The following ATP2B2 variants were observed in gnomAD, a reference collection of about 807,000 sequenced individuals.
ATP2B2 encodes the protein ATPase plasma membrane Ca2+ transporting 2.
In ATP2B2, 15 loss-of-function variants were observed where a neutral mutation model predicts 120.0. The ratio of observed to expected loss-of-function variants is 0.12; its 90% CI spans 0.08 to 0.19. The LOEUF (loss-of-function observed/expected upper bound fraction) is 0.19. Among genes scored for constraint, ATP2B2 ranks in the 10% least tolerant of loss-of-function variants. The probability of loss-of-function intolerance (pLI) is 1.00; values close to 1 mark genes in which losing one functional copy is unlikely to be tolerated. For synonymous variants in ATP2B2, 694 were observed against 700.3 expected, an observed-to-expected ratio of 0.99 and a Z score of 0.14; for missense variants, 1,045 against 1,719.8, an observed-to-expected ratio of 0.61 and a Z score of 6.94.
intron 2 of ATP2B2, among the ~76,000 whole-genome samples, chr3:10,560,045 T>G (rs913953574): frequency 2.6e-5 from 4 of 152,192 alleles, no homozygotes; most frequent in Non-Finnish European, 5.9e-5. Flanking sequence ...CACTCTGACT[T>G]CTCAAACCTT....
chr3:10,556,758 C>A (rs1400963580), intron 2 of ATP2B2, among the ~76,000 whole-genome samples: 1 of 152,230 alleles, frequency 6.6e-6, no homozygotes, highest in Non-Finnish European at 1.5e-5. Flanking sequence ...TTAATTACTC[C>A]TATTTATGTA....
chr3:10,668,888 C>T (rs2071019629), intron 1 of ATP2B2, among the ~76,000 whole-genome samples: 2 of 152,194 alleles, frequency 1.3e-5, no homozygotes, highest in Admixed American at 1.3e-4. Context: ...AGTAGGCGCT[C>T]AGTGGATCAT....
intron 14 of ATP2B2, 140 bp downstream of exon 14, chr3:10,358,551 A>G: frequency 1.1e-6 from 1 of 872,940 alleles, no homozygotes; most frequent in Non-Finnish European, 1.8e-6. Context: ...TCCTCTTATG[A>G]GGATCAAGGA....
chr3:10,449,506 T>G lies in ATP2B2; in HGVS notation c.38A>C (p.Asn13Thr), dbSNP rs768994822. ...CCCATGGCTCGACTCATTTCTTTGGTTTTTGGAGTAAAAGTCGCTGTTGGT... is the reference window on the plus strand; with the variant it reads ...CCCATGGCTCGACTCATTTCTTTGGGTTTTGGAGTAAAAGTCGCTGTTGGT... The part of the protein sequence containing the change: ...DMTNSDFYSK[N>T]QRNESSHGGE... The change falls in exon 2 of 23, where the codon AAC (asparagine) becomes ACC (threonine). Residue 13 changes from asparagine (N) to threonine (T), a missense_variant. Physicochemically the swap from Asn to Thr is moderately conservative, Grantham distance 65 (BLOSUM62 0). Coordinates refer to ENST00000360273, the MANE Select transcript of ATP2B2 (RefSeq NM_001001331.4). 3 of 1,614,196 alleles carry G rather than the reference T, an allele frequency of 1.9e-6. No homozygotes were observed. The highest frequency in any genetic ancestry group is 3.3e-5 in the Admixed American group (2 of 60,024).
chr3:10,326,537 A>C lies in ATP2B2; in HGVS notation c.*2277T>G, dbSNP rs2059860884. The C allele has an allele frequency of 2.5e-6, 1 of 396,688 alleles. No homozygotes were observed. Among genetic ancestry groups the C allele is most frequent in the African/African-American group, 2.1e-5 (1 of 48,598 alleles). 24.6% of individuals were successfully genotyped at this position (396,688 alleles called of 1,614,324 possible). A position where few individuals can be genotyped will look rare whatever the true frequency, so the allele number is the denominator to read the frequency against. ...AAAACTGTGAGAAAGGAAACTCCAA[A>C]AAACACCATGTTCCAAGGCTGCCCC... On this transcript the variant is annotated 3_prime_UTR_variant, in exon 23 of 23. Coordinates refer to ENST00000360273, the MANE Select transcript of ATP2B2 (RefSeq NM_001001331.4).
intron 3 of ATP2B2, among the ~76,000 whole-genome samples, chr3:10,514,227 AGGTCTGGGGAACACTTG>A (rs2066831853): frequency 6.6e-6 from 1 of 152,144 alleles, no homozygotes; most frequent in Non-Finnish European, 1.5e-5. Flanking sequence ...ACCCTGTGAT[AGGTCTGGGGAACACTTG>A]GGTTCTGCCA....
intron 22 of ATP2B2, chr3:10,336,331 C>T (rs947021167): frequency 2.6e-5 from 40 of 1,545,334 alleles, no homozygotes; most frequent in African/African-American, 1.9e-4. Flanking sequence ...AGACAAGTTG[C>T]GAGAAGAACG....
chr3:10,403,543 G>T (rs2075313), intron 3 of ATP2B2, among the ~76,000 whole-genome samples: 1 of 152,166 alleles, frequency 6.6e-6, no homozygotes. Context: ...AGCAAGAGGT[G>T]GAGGCCCAGG....
chr3:10,471,730 A>C (rs11918552), intron 1 of ATP2B2, among the ~76,000 whole-genome samples: 1 of 152,072 alleles, frequency 6.6e-6, no homozygotes, highest in Non-Finnish European at 1.5e-5. Flanking sequence ...GTCTGTATAC[A>C]TCAAAGCATC....
chr3:10,594,404 C>A (rs931944417), intron 2 of ATP2B2, among the ~76,000 whole-genome samples: 16 of 152,202 alleles, frequency 1.1e-4, no homozygotes, highest in African/African-American at 3.1e-4. Flanking sequence ...ATGATGAGTT[C>A]ATGTCCTTTG....
intron 13 of ATP2B2, among the ~76,000 whole-genome samples, chr3:10,359,265 T>A (rs1381587036): frequency 6.6e-6 from 1 of 152,188 alleles, no homozygotes; most frequent in African/African-American, 2.4e-5. Flanking sequence ...CTTTAATAAA[T>A]ACCCACGTGC....
At chr3:10,426,018 C>G (rs750000459) in intron 2 of ATP2B2, among the ~76,000 whole-genome samples, 1 of 152,110 alleles carries the variant, frequency 6.6e-6, no homozygotes, top group African/African-American at 2.4e-5. Context: ...CTCATTCCCC[C>G]TTCCCATCAT....
chr3:10,671,108 A>G (rs577238176), intron 1 of ATP2B2, among the ~76,000 whole-genome samples: 1 of 152,354 alleles, frequency 6.6e-6, no homozygotes, highest in South Asian at 2.1e-4. Flanking sequence ...GGCAGCAGGC[A>G]TGATCAGCAG....
At chr3:10,448,198 T>C (rs1293510855) in intron 2 of ATP2B2, among the ~76,000 whole-genome samples, 1 of 152,208 alleles carries the variant, frequency 6.6e-6, no homozygotes, top group East Asian at 1.9e-4. Context: ...CAGGTGGTGG[T>C]AGATATCTGG....
intron 1 of ATP2B2, among the ~76,000 whole-genome samples, chr3:10,625,525 C>T (rs1002132014): frequency 3.3e-5 from 5 of 152,192 alleles, no homozygotes; most frequent in Admixed American, 6.5e-5. Context: ...GCAGATACTC[C>T]CCGGTTTGAG....
intron 1 of ATP2B2, among the ~76,000 whole-genome samples, chr3:10,706,384 TGTC>T (rs1234642153): frequency 6.6e-6 from 1 of 152,188 alleles, no homozygotes; most frequent in African/African-American, 2.4e-5. Flanking sequence ...GGCTGGGTTT[TGTC>T]GTCATTTCCG....
intron 2 of ATP2B2, among the ~76,000 whole-genome samples, chr3:10,602,130 C>T (rs1445554592): frequency 6.6e-6 from 1 of 152,184 alleles, no homozygotes; most frequent in Non-Finnish European, 1.5e-5. Flanking sequence ...GAGCCCCCTC[C>T]CCACTTCCTG....
intron 1 of ATP2B2, among the ~76,000 whole-genome samples, chr3:10,657,849 G>T (rs1161528060): frequency 6.6e-6 from 1 of 152,274 alleles, no homozygotes; most frequent in African/African-American, 2.4e-5. Flanking sequence ...GCACCTGCTA[G>T]TAGGGGCAGA....
intron 1 of ATP2B2, among the ~76,000 whole-genome samples, chr3:10,679,900 G>A (rs2071340805): frequency 6.6e-6 from 1 of 152,118 alleles, no homozygotes; most frequent in Admixed American, 6.5e-5. Flanking sequence ...GAGCAGGAGG[G>A]TTCAATGATA....
Sources: allele counts gnomAD v4.1 joint callset (sites outside exome capture counted in the v4.1 genomes callset), GRCh38; gene constraint gnomAD v4.1.1; transcripts MANE v1.5; gene names NCBI Gene and HGNC (gene_info 2026-07-23, HGNC 2026-07-21).